SMARCA2: variants seen among roughly 807,000 people sequenced by gnomAD.
SMARCA2 encodes SWI/SNF related BAF chromatin remodeling complex subunit ATPase 2, also known as SWI/SNF-related matrix-associated actin-dependent regulator of chromatin subfamily A member 2.
In SMARCA2, 61 loss-of-function variants were observed where a neutral mutation model predicts 199.8. The ratio of observed to expected loss-of-function variants is 0.31; its 90% CI spans 0.25 to 0.38. The LOEUF is 0.38. Among genes scored for constraint, SMARCA2 ranks in the 10% least tolerant of loss-of-function variants. SMARCA2 has a pLI of 1.00. For missense variants in SMARCA2, 1,344 were observed against 2,012.2 expected (o/e 0.67, Z 6.35); for synonymous variants, 935 against 732.0 (o/e 1.28, Z -4.48).
intron 29 of SMARCA2, among the ~76,000 whole-genome samples, chr9:2,171,466 A>T (rs1826244508): frequency 6.6e-6 from 1 of 152,206 alleles, no homozygotes; most frequent in South Asian, 2.1e-4. Flanking sequence ...ATTTATACTT[A>T]TACTTATCCA....
rs76234243 is a variant in SMARCA2 at position 2,121,309 on chromosome 9, C to G, written c.3762+1774C>G. Among the ~76,000 whole-genome samples, 51 of 152,342 alleles carry G rather than the reference C, an allele frequency of 3.3e-4. No homozygotes were observed. In the East Asian group the frequency reaches 9.2e-3, roughly 28 times the overall value. ...TACCACTCAAAGAACAGGGTTGTAA[C>G]ACAGGTGAGGCTGGCTAGGGAACAC... On this transcript the variant is annotated intron_variant, in intron 26 of 33. Coordinates refer to ENST00000349721, the MANE Select transcript of SMARCA2 (RefSeq NM_003070.5).
chr9:2,178,088 G>A (rs1826748612), intron 29 of SMARCA2, among the ~76,000 whole-genome samples: 1 of 1,960 alleles, frequency 5.1e-4, no homozygotes, highest in Admixed American at 7.6e-3. Context: ...TATAAGCCAT[G>A]CATACAAGGA....
chr9:2,177,294 C>T (rs1160849581), intron 29 of SMARCA2, among the ~76,000 whole-genome samples: 1 of 152,180 alleles, frequency 6.6e-6, no homozygotes, highest in African/African-American at 2.4e-5. Context: ...TCCTTCCAAC[C>T]TCAAGTGAGT....
At chr9:2,177,268 T>C (rs1211838108) in intron 29 of SMARCA2, among the ~76,000 whole-genome samples, 2 of 152,262 alleles carry the variant, frequency 1.3e-5, no homozygotes, top group Admixed American at 6.5e-5. Context: ...AGGATTGTGA[T>C]AGCTTTTCTG....
At chr9:2,081,423 C>A (rs1821562687) in intron 14 of SMARCA2, among the ~76,000 whole-genome samples, 1 of 152,224 alleles carries the variant, frequency 6.6e-6, no homozygotes, top group South Asian at 2.1e-4. Flanking sequence ...GGACCTCACC[C>A]ATATTACCGA....
intron 29 of SMARCA2, among the ~76,000 whole-genome samples, chr9:2,177,799 G>T (rs867352283): frequency 6.6e-6 from 1 of 152,256 alleles, no homozygotes; most frequent in African/African-American, 2.4e-5. Context: ...TGATCGGCCC[G>T]CCTCTGCCTC....
chr9:2,049,511 T>C (rs1182222197), intron 5 of SMARCA2, among the ~76,000 whole-genome samples: 4 of 152,232 alleles, frequency 2.6e-5, no homozygotes, highest in Admixed American at 2.6e-4. Context: ...TATTATTGCT[T>C]TATAAATGCC....
At chr9:2,054,521 A>G in intron 5 of SMARCA2, 76 bp from the exon 6 acceptor site, 1 of 1,542,340 alleles carries the variant, frequency 6.5e-7, no homozygotes. Flanking sequence ...ACCTAATGTC[A>G]TTGTTTATCA....
chr9:2,108,469 T>G (rs1215142565), intron 23 of SMARCA2, among the ~76,000 whole-genome samples: 2 of 152,242 alleles, frequency 1.3e-5, no homozygotes, highest in Non-Finnish European at 2.9e-5. Context: ...GATTATCAGC[T>G]GGTTCATTTT....
chr9:2,061,949 C>T (rs908923873), intron 9 of SMARCA2, among the ~76,000 whole-genome samples: 5 of 152,128 alleles, frequency 3.3e-5, no homozygotes, highest in South Asian at 4.1e-4. Context: ...TGAAGATGAA[C>T]GAGAGATGAC....
Position 2,119,194 on chromosome 9 carries a change from A to G in SMARCA2, c.3685-264A>G, listed in dbSNP as rs540048491. On this transcript the variant is annotated intron_variant, in intron 25 of 33. Transcript: ENST00000349721. The surrounding 1 kb of genome is among the most constrained non-coding windows in gnomAD (Gnocchi z 4.6). ...GGAGACATTAAGTAACTTGTTGTAA[A>G]AGTAACAGAATCAAGATACACATCC... 2.6e-5 allele frequency among the ~76,000 whole-genome samples: 4 copies of G among 152,214 alleles called. No individual in the cohort carries two copies. Among genetic ancestry groups the G allele is most frequent in the Non-Finnish European group, 5.9e-5 (4 of 68,034 alleles).
intron 29 of SMARCA2, chr9:2,181,092 G>C (rs1826988551): frequency 6.5e-6 from 1 of 153,912 alleles, no homozygotes; most frequent in African/African-American, 2.4e-5. Flanking sequence ...TGAGTTTCCA[G>C]AGTATATTCT....
At chr9:2,032,915 A>T (rs1163180498) in intron 2 of SMARCA2, 37 bp from the exon 3 acceptor site, 1 of 1,599,104 alleles carries the variant, frequency 6.3e-7, no homozygotes, top group South Asian at 1.1e-5. Context: ...ATTTTACCTT[A>T]TAGAGGTGTC....
At chr9:2,171,246 TAAAAAA>T (rs937781203) in intron 29 of SMARCA2, among the ~76,000 whole-genome samples, 1 of 151,350 alleles carries the variant, frequency 6.6e-6, no homozygotes, top group African/African-American at 2.4e-5. Context: ...AACCTGTACT[TAAAAAA>T]AAAGTTGATA....
intron 29 of SMARCA2, among the ~76,000 whole-genome samples, chr9:2,172,878 A>C (rs1015668445): frequency 6.6e-6 from 1 of 152,126 alleles, no homozygotes; most frequent in Non-Finnish European, 1.5e-5. Context: ...ATACAGTGAG[A>C]TTTGTGTTCG....
At chr9:2,055,120 T>G (rs1820295354) in intron 6 of SMARCA2, among the ~76,000 whole-genome samples, 1 of 152,276 alleles carries the variant, frequency 6.6e-6, no homozygotes, top group Non-Finnish European at 1.5e-5. Context: ...TTGCCACGAC[T>G]GTGAAAATAA....
intron 32 of SMARCA2, among the ~76,000 whole-genome samples, chr9:2,186,499 TTTTA>T (rs932655806): frequency 4.6e-5 from 7 of 152,152 alleles, no homozygotes; most frequent in African/African-American, 7.2e-5. Context: ...GTTTTATTTC[TTTTA>T]TTTATTTATT....
At chr9:2,087,333 A>G in intron 18 of SMARCA2, 4 of 456,294 alleles carry the variant, frequency 8.8e-6, no homozygotes, top group Middle Eastern at 6.3e-4. Flanking sequence ...AAGGGTCCCA[A>G]CCGGTGGAAT....
At chr9:2,180,374 G>A (rs1234690098) in intron 29 of SMARCA2, among the ~76,000 whole-genome samples, 1 of 152,156 alleles carries the variant, frequency 6.6e-6, no homozygotes, top group African/African-American at 2.4e-5. Context: ...AACTGTTTGA[G>A]TTACTGCGCA....
Sources: gnomAD v4.1 joint callset for allele counts (sites outside exome capture counted in the v4.1 genomes callset) on GRCh38, gnomAD v4.1.1 for gene constraint, Gnocchi (gnomAD v3.1) non-coding constraint, MANE v1.5 for transcripts, NCBI Gene and HGNC (gene_info 2026-07-23, HGNC 2026-07-21) for gene names.